FBXL5: variants seen among roughly 807,000 people sequenced by gnomAD.
The protein encoded by FBXL5 is F-box/LRR-repeat protein 5.
A neutral mutation model predicts 78.3 loss-of-function variants in FBXL5; 26 were observed. The observed-to-expected ratio is 0.33, with a 90% CI of 0.24 to 0.46. The LOEUF (loss-of-function observed/expected upper bound fraction) is 0.46. Ranked by LOEUF, FBXL5 falls within the 20% of genes least tolerant of loss-of-function variation. FBXL5 has a pLI of 1.00. For missense variants in FBXL5, 710 were observed against 829.2 expected (o/e 0.86, Z 1.77); for synonymous variants, 295 against 282.5 (o/e 1.04, Z -0.45).
chr4:15,649,945 T>C (rs1272532764), intron 1 of FBXL5, among the ~76,000 whole-genome samples: 1 of 152,188 alleles, frequency 6.6e-6, no homozygotes, highest in Non-Finnish European at 1.5e-5. Context: ...ATGACTTTTC[T>C]ACATACACAA....
chr4:15,614,219 C>T (rs1711548934), intron 9 of FBXL5, among the ~76,000 whole-genome samples: 1 of 152,208 alleles, frequency 6.6e-6, no homozygotes, highest in Non-Finnish European at 1.5e-5. Flanking sequence ...TGGGTCTAGC[C>T]ACCCAGCAGA....
chr4:15,651,938 G>A (rs1577484110), intron 1 of FBXL5, among the ~76,000 whole-genome samples: 3 of 152,174 alleles, frequency 2.0e-5, no homozygotes, highest in Non-Finnish European at 2.9e-5. Flanking sequence ...GGAGCTGACC[G>A]TGTAACTCCC....
rs542928198 is a variant in FBXL5 at position 15,664,947 on chromosome 4, GATTC to G, written c.-283-5029_-283-5026del. 3.3e-3 allele frequency among the ~76,000 whole-genome samples: 504 copies of G among 152,146 alleles called. 1 individual carries two copies. Among genetic ancestry groups the G allele is most frequent in the Non-Finnish European group, 5.2e-3 (356 of 67,984 alleles). ...ATATCATTAATATGTGAATCTTAAT[GATTC>G]ATTAAGTTTAAGGTTGAAGTTTAGA... On this transcript the variant is annotated intron_variant, in intron 1 of 4. Coordinates refer to the FBXL5 transcript ENST00000507899.
chr4:15,652,151 A>G lies in FBXL5; in HGVS notation c.84+3053T>C, dbSNP rs146443728. 2.8e-4 allele frequency among the ~76,000 whole-genome samples: 43 copies of G among 152,318 alleles called. 1 individual carries two copies. Among genetic ancestry groups the G allele is most frequent in the Admixed American group, 2.7e-3 (41 of 15,298 alleles). ...TTAACCTTGGAGAACTGGAGAAAAG[A>G]CTGAGAAATTGAAGTAAAATGGAAA... On this transcript the variant is annotated intron_variant, in intron 1 of 10. Coordinates refer to ENST00000341285, the MANE Select transcript of FBXL5 (RefSeq NM_012161.4).
intron 9 of FBXL5, among the ~76,000 whole-genome samples, chr4:15,612,992 C>T (rs1722371831): frequency 6.6e-6 from 1 of 152,154 alleles, no homozygotes; most frequent in Admixed American, 6.5e-5. Flanking sequence ...AAATGTGGTA[C>T]ATCCATACAA....
upstream of FBXL5, among the ~76,000 whole-genome samples, chr4:15,657,572 G>C (rs889020065): frequency 6.6e-6 from 1 of 152,208 alleles, no homozygotes; most frequent in Non-Finnish European, 1.5e-5. Flanking sequence ...CAGCTGAAAA[G>C]TAGTAACAGC....
chr4:15,674,654 G>GTT (rs199900833), intron 1 of FBXL5, among the ~76,000 whole-genome samples: 10 of 142,054 alleles, frequency 7.0e-5, no homozygotes, highest in Admixed American at 1.4e-4. Flanking sequence ...GGATTTTTGG[G>GTT]TTTTTTTTTT....
intron 1 of FBXL5, among the ~76,000 whole-genome samples, chr4:15,678,513 A>G (rs190471449): frequency 6.6e-6 from 1 of 152,358 alleles, no homozygotes; most frequent in East Asian, 1.9e-4. Flanking sequence ...CTACAATGCT[A>G]CTTTCATGCA....
chr4:15,628,261 G>A (rs1713271675), intron 6 of FBXL5, among the ~76,000 whole-genome samples: 1 of 152,120 alleles, frequency 6.6e-6, no homozygotes, highest in Admixed American at 6.5e-5. Flanking sequence ...AAAGAAAAAT[G>A]ATCCATAGTA....
chr4:15,650,301 A>G (rs1285020549), intron 1 of FBXL5, among the ~76,000 whole-genome samples: 2 of 152,270 alleles, frequency 1.3e-5, no homozygotes, highest in Non-Finnish European at 1.5e-5. Context: ...CATGACCTTC[A>G]GTATGAAATA....
At chr4:15,614,703 G>A (rs1045876567) in intron 9 of FBXL5, among the ~76,000 whole-genome samples, 1 of 152,122 alleles carries the variant, frequency 6.6e-6, no homozygotes, top group African/African-American at 2.4e-5. Flanking sequence ...CCAGGGGTAT[G>A]GGTGGAGTTA....
Position 15,655,229 on chromosome 4 carries a change from T to C in FBXL5, c.59A>G (p.Gln20Arg). ...CTTGTCGCAGTAGAGCCCCACCAGC[T>C]GCTTCATCCGCCAGTGTGGGGCGGT... ...VFTAPHWRMK[Q>R]LVGLYCDKLS... The change falls in exon 1 of 11, where the codon CAG becomes CGG. Residue 20 changes from glutamine to arginine, a missense_variant. Gln to Arg is a conservative substitution (Grantham distance 43, BLOSUM62 1). Coordinates refer to ENST00000341285, the MANE Select transcript of FBXL5 (RefSeq NM_012161.4). 7.0e-7 allele frequency: 1 copy of C among 1,437,218 alleles called. No individual in the cohort carries two copies. 89.0% of individuals were successfully genotyped at this position (1,437,218 alleles called of 1,614,324 possible). A position where few individuals can be genotyped will look rare whatever the true frequency, so the allele number is the denominator to read the frequency against.
chr4:15,623,623 CAT>C (rs1294309010), intron 9 of FBXL5, among the ~76,000 whole-genome samples: 4 of 152,074 alleles, frequency 2.6e-5, no homozygotes, highest in Non-Finnish European at 4.4e-5. Flanking sequence ...GGAATACAGA[CAT>C]GTAATAAAAA....
At chr4:15,645,414 G>A (rs1284686676) in intron 1 of FBXL5, among the ~76,000 whole-genome samples, 1 of 151,896 alleles carries the variant, frequency 6.6e-6, no homozygotes, top group Non-Finnish European at 1.5e-5. Context: ...TGTAACCCTG[G>A]GTAAGTTACT....
chr4:15,623,240 CA>C (rs925516474), intron 9 of FBXL5, among the ~76,000 whole-genome samples: 1 of 150,138 alleles, frequency 6.7e-6, no homozygotes, highest in African/African-American at 2.4e-5. Context: ...ACTTTGAAAG[CA>C]AAAAAAACAA....
At chr4:15,639,070 AGGAGAATCACTTGAACCT>A (rs1443131229) in intron 3 of FBXL5, among the ~76,000 whole-genome samples, 1 of 152,260 alleles carries the variant, frequency 6.6e-6, no homozygotes, top group African/African-American at 2.4e-5. Context: ...AGACTGAGGC[AGGAGAATCACTTGAACCT>A]GGGAGGCAGA....
intron 1 of FBXL5, among the ~76,000 whole-genome samples, chr4:15,671,393 TTA>T (rs1717761735): frequency 6.6e-6 from 1 of 152,070 alleles, no homozygotes; most frequent in South Asian, 2.1e-4. Context: ...ATTTAAGATT[TTA>T]TCTTTATCAC....
At chr4:15,635,773 A>C (rs1378317847) in intron 5 of FBXL5, among the ~76,000 whole-genome samples, 1 of 151,788 alleles carries the variant, frequency 6.6e-6, no homozygotes, top group East Asian at 1.9e-4. Flanking sequence ...AAAAAAAAAA[A>C]AAAAAACTCA....
At chr4:15,638,999 T>C (rs549848860) in intron 3 of FBXL5, among the ~76,000 whole-genome samples, 52 of 152,186 alleles carry the variant, frequency 3.4e-4, no homozygotes, top group African/African-American at 1.3e-3. Flanking sequence ...ACGCCATCTC[T>C]ACTAAAAATA....
Sources: gnomAD v4.1 joint callset for allele counts (sites outside exome capture counted in the v4.1 genomes callset) on GRCh38, gnomAD v4.1.1 for gene constraint, MANE v1.5 for transcripts, NCBI Gene and HGNC (gene_info 2026-07-23, HGNC 2026-07-21) for gene names.